Variants in RPS6KA2 observed in about 807,000 individuals in gnomAD.
RPS6KA2 encodes the protein ribosomal protein S6 kinase alpha-2.
Under a neutral mutation model 91.8 loss-of-function variants are expected in RPS6KA2, and 42 were observed. That is an observed-to-expected ratio of 0.46 (90% confidence interval 0.36 to 0.59). The LOEUF is 0.59. Among genes scored for constraint, RPS6KA2 ranks in the 20% least tolerant of loss-of-function variants. The probability of loss-of-function intolerance (pLI) is 0.00; values close to 1 mark genes in which losing one functional copy is unlikely to be tolerated. For synonymous variants in RPS6KA2, 414 were observed against 393.6 expected (o/e 1.05, Z -0.61); for missense variants, 798 against 978.5 (o/e 0.82, Z 2.46).
At chr6:166,579,394 C>T (rs1784938101) in intron 1 of RPS6KA2, among the ~76,000 whole-genome samples, 1 of 151,998 alleles carries the variant, frequency 6.6e-6, no homozygotes, top group South Asian at 2.1e-4. Flanking sequence ...CTGTCGCCCA[C>T]AGGCCATCTG....
chr6:166,605,019 C>A (rs1442808717), intron 1 of RPS6KA2, among the ~76,000 whole-genome samples: 1 of 152,038 alleles, frequency 6.6e-6, no homozygotes, highest in Non-Finnish European at 1.5e-5. Context: ...CCACAGCTGG[C>A]CCCTCAGGCC....
chr6:166,463,631 G>A (rs914687560), intron 11 of RPS6KA2: 3 of 152,118 alleles, frequency 2.0e-5, no homozygotes, highest in African/African-American at 4.8e-5. Context: ...ACAGAAAAAC[G>A]GGAACTGGGT....
At position 166,734,716 on chromosome 6, in the gene RPS6KA2, G is replaced by A. The variant is rs112401710; in HGVS notation, c.123+123484C>T. Among the ~76,000 whole-genome samples, 1,066 of 152,286 alleles carry A rather than the reference G, an allele frequency of 7.0e-3. 11 individuals carry two copies. Among genetic ancestry groups the A allele is most frequent in the African/African-American group, 0.025 (1,026 of 41,544 alleles). ...TGCCTTATTCAACATGAGAGGGAGC[G>A]TGTGTGGCTGAGGCTGGCATACCTA... On this transcript the variant is annotated intron_variant, in intron 2 of 21. Coordinates refer to the RPS6KA2 transcript ENST00000503859.
intron 10 of RPS6KA2, chr6:166,475,953 G>A (rs561620506): frequency 1.2e-5 from 5 of 405,458 alleles, no homozygotes; most frequent in Non-Finnish European, 2.1e-5. Flanking sequence ...AACTCTGGGA[G>A]GGGTCAACTC....
intron 2 of RPS6KA2, among the ~76,000 whole-genome samples, chr6:166,716,999 T>G (rs1040656016): frequency 6.6e-6 from 1 of 152,080 alleles, no homozygotes; most frequent in Non-Finnish European, 1.5e-5. Flanking sequence ...CATGGCTGTG[T>G]AGGAGGATCC....
chr6:166,664,793 A>T (rs1411096731), intron 2 of RPS6KA2, among the ~76,000 whole-genome samples: 2 of 152,304 alleles, frequency 1.3e-5, no homozygotes, highest in South Asian at 4.1e-4. Context: ...TCTAATAGAG[A>T]GTGTGCTAGA....
chr6:166,716,662 T>C (rs999257935), intron 2 of RPS6KA2, among the ~76,000 whole-genome samples: 3 of 152,064 alleles, frequency 2.0e-5, no homozygotes, highest in African/African-American at 7.3e-5. Context: ...AAAAGGGGGG[T>C]TGTAATAACA....
chr6:166,818,692 C>T (rs994949293), intron 2 of RPS6KA2, among the ~76,000 whole-genome samples: 8 of 152,114 alleles, frequency 5.3e-5, no homozygotes, highest in African/African-American at 1.9e-4. Flanking sequence ...TCCGTCGTGC[C>T]TTTGTCACAA....
chr6:166,477,509 G>T (rs1781021316), intron 10 of RPS6KA2, among the ~76,000 whole-genome samples: 1 of 152,140 alleles, frequency 6.6e-6, no homozygotes, highest in African/African-American at 2.4e-5. Flanking sequence ...AAAATTATTT[G>T]CTTCTCCCAG....
intron 2 of RPS6KA2, among the ~76,000 whole-genome samples, chr6:166,719,761 C>T (rs573410016): frequency 1.3e-5 from 2 of 152,334 alleles, no homozygotes; most frequent in Admixed American, 6.5e-5. Flanking sequence ...CGACTACTTT[C>T]GGCTCAGGAA....
At position 166,476,221 on chromosome 6, in the gene RPS6KA2, C is replaced by G. The variant is rs573684734; in HGVS notation, c.908-6316G>C. 1.6e-4 allele frequency among the ~76,000 whole-genome samples: 24 copies of G among 152,280 alleles called. 1 individual carries two copies. Among genetic ancestry groups the G allele is most frequent in the African/African-American group, 5.5e-4 (23 of 41,550 alleles). ...GGGGTGTCAAGGCTGGCCAGCAAAGCCCCGGGGTCTAGGAGCGGCCAGGGA... is the reference window on the plus strand; with the variant it reads ...GGGGTGTCAAGGCTGGCCAGCAAAGGCCCGGGGTCTAGGAGCGGCCAGGGA... On this transcript the variant is annotated intron_variant, in intron 10 of 20. Coordinates refer to ENST00000265678, the MANE Select transcript of RPS6KA2 (RefSeq NM_021135.6).
intron 2 of RPS6KA2, among the ~76,000 whole-genome samples, chr6:166,667,020 C>T (rs754156779): frequency 2.0e-5 from 3 of 152,146 alleles, no homozygotes; most frequent in East Asian, 1.9e-4. Flanking sequence ...TGTATGATTC[C>T]GCTTACGTGA....
At chr6:166,656,085 G>A (rs145526555) in intron 2 of RPS6KA2, among the ~76,000 whole-genome samples, 90 of 152,330 alleles carry the variant, frequency 5.9e-4, no homozygotes, top group African/African-American at 2.0e-3. Flanking sequence ...GGAAGCTCAC[G>A]CCTAGAACCG....
intron 2 of RPS6KA2, among the ~76,000 whole-genome samples, chr6:166,670,888 T>A (rs772297318): frequency 2.0e-5 from 3 of 152,158 alleles, no homozygotes; most frequent in Non-Finnish European, 2.9e-5. Context: ...TGGCATGAGG[T>A]CAGCTGACTG....
At chr6:166,675,616 T>G (rs548741813) in intron 2 of RPS6KA2, among the ~76,000 whole-genome samples, 1 of 151,688 alleles carries the variant, frequency 6.6e-6, no homozygotes, top group African/African-American at 2.4e-5. Flanking sequence ...CTCGGTGGGT[T>G]AAGACATAAG....
intron 2 of RPS6KA2, among the ~76,000 whole-genome samples, chr6:166,728,417 C>T (rs931935965): frequency 1.3e-5 from 2 of 152,120 alleles, no homozygotes; most frequent in Admixed American, 6.5e-5. Flanking sequence ...TCCCAGGGAG[C>T]GTTGCAGTGG....
At chr6:166,838,136 C>T (rs1780368710) in intron 2 of RPS6KA2, among the ~76,000 whole-genome samples, 1 of 152,220 alleles carries the variant, frequency 6.6e-6, no homozygotes, top group Non-Finnish European at 1.5e-5. Context: ...GCTTGAAAGC[C>T]CTGTACCAGC....
chr6:166,537,055 G>GGTA (rs1783502375), intron 2 of RPS6KA2, among the ~76,000 whole-genome samples: 2 of 152,234 alleles, frequency 1.3e-5, no homozygotes, highest in Admixed American at 1.3e-4. Flanking sequence ...CTGTGAGGAG[G>GGTA]ACATTGGTAA....
At chr6:166,610,453 T>C (rs1203064541) in intron 1 of RPS6KA2, among the ~76,000 whole-genome samples, 1 of 152,258 alleles carries the variant, frequency 6.6e-6, no homozygotes, top group Non-Finnish European at 1.5e-5. Context: ...GAATTCATGA[T>C]GGTTAATACA....
Sources: gnomAD v4.1 joint callset for allele counts (sites outside exome capture counted in the v4.1 genomes callset) on GRCh38, gnomAD v4.1.1 for gene constraint, MANE v1.5 for transcripts, NCBI Gene and HGNC (gene_info 2026-07-23, HGNC 2026-07-21) for gene names.